CCDC69: variants seen among roughly 807,000 people sequenced by gnomAD.
The protein encoded by CCDC69 is coiled-coil domain-containing protein 69.
A neutral mutation model predicts 40.3 loss-of-function variants in CCDC69; 38 were observed. The ratio of observed to expected loss-of-function variants is 0.94; its 90% CI spans 0.73 to 1.24. The LOEUF (loss-of-function observed/expected upper bound fraction) is 1.24. Ranked by LOEUF, CCDC69 falls within the 50% of genes most tolerant of loss-of-function variation. CCDC69 has a pLI of 0.00. For missense variants in CCDC69, 389 were observed against 357.9 expected, an observed-to-expected ratio of 1.09 and a Z score of -0.70; for synonymous variants, 141 against 138.9, an observed-to-expected ratio of 1.02 and a Z score of -0.11.
intron 8 of CCDC69, among the ~76,000 whole-genome samples, chr5:151,183,852 T>C (rs553688739): frequency 6.6e-6 from 1 of 152,368 alleles, no homozygotes; most frequent in Non-Finnish European, 1.5e-5. Flanking sequence ...CTTAGCTATA[T>C]AATCTTGAAT....
At position 151,187,467 on chromosome 5, in the gene CCDC69, G is replaced by T. The variant is rs1472188593; in HGVS notation, c.320-8C>A. The T allele has an allele frequency of 6.2e-7, 1 of 1,610,696 alleles. No individual in the cohort carries two copies. Among genetic ancestry groups the T allele is most frequent in the African/African-American group, 1.4e-5 (1 of 73,008 alleles). On this transcript the variant is annotated splice_region_variant and splice_polypyrimidine_tract_variant and intron_variant, in intron 4 of 8. Transcript: ENST00000355417. Reference sequence around the variant, plus strand: ...CATATGAGGCCCGGAGGACTGTAGGGAAAGGAGAACTCCATAAGCTCAAGA... The same window carrying T: ...CATATGAGGCCCGGAGGACTGTAGGTAAAGGAGAACTCCATAAGCTCAAGA...
chr5:151,202,070 CGCTGGCCA>C (rs1561601858), intron 2 of CCDC69, among the ~76,000 whole-genome samples: 2 of 151,900 alleles, frequency 1.3e-5, no homozygotes, highest in African/African-American at 4.8e-5. Flanking sequence ...AAAAATTAGT[CGCTGGCCA>C]GACATGGTGG....
chr5:151,192,111 G>GAAAAAAAAAAAAAAAA (rs1752621799), intron 4 of CCDC69, among the ~76,000 whole-genome samples: 1 of 79,742 alleles, frequency 1.3e-5, no homozygotes, highest in Non-Finnish European at 2.6e-5. Context: ...AAAAAAGAAT[G>GAAAAAAAAAAAAAAAA]AAAAGAAATA....
At chr5:151,218,894 T>C (rs529806021) in intron 1 of CCDC69, among the ~76,000 whole-genome samples, 5 of 152,182 alleles carry the variant, frequency 3.3e-5, no homozygotes, top group South Asian at 2.1e-4. Context: ...CATGTACATG[T>C]GCAGAAAATA....
chr5:151,212,998 T>C, intron 1 of CCDC69: 1 of 414,240 alleles, frequency 2.4e-6, no homozygotes, highest in South Asian at 1.7e-5. Context: ...TAGATTGGAC[T>C]GGTGATCTTT....
At chr5:151,206,427 C>T (rs1484470933) in intron 1 of CCDC69, among the ~76,000 whole-genome samples, 1 of 152,138 alleles carries the variant, frequency 6.6e-6, no homozygotes. Flanking sequence ...ATTCTAGTCC[C>T]TCTCCCCTCC....
At chr5:151,222,290 G>C (rs992410365) in intron 1 of CCDC69, among the ~76,000 whole-genome samples, 1 of 152,232 alleles carries the variant, frequency 6.6e-6, no homozygotes, top group Admixed American at 6.5e-5. Flanking sequence ...TTGCCCTTCA[G>C]AGCTTTGGCT....
intron 1 of CCDC69, among the ~76,000 whole-genome samples, chr5:151,219,757 C>A (rs1319694188): frequency 1.3e-5 from 2 of 152,126 alleles, no homozygotes; most frequent in Non-Finnish European, 2.9e-5. Flanking sequence ...CTTATACTTT[C>A]CCACATTTTG....
intron 1 of CCDC69, chr5:151,215,534 G>A (rs1001949975): frequency 1.0e-5 from 3 of 299,048 alleles, no homozygotes; most frequent in Admixed American, 3.6e-5. Flanking sequence ...ACACTCAGCT[G>A]TTAGCTCTGG....
At chr5:151,213,073 C>G (rs185217311) in intron 1 of CCDC69, among the ~76,000 whole-genome samples, 29 of 152,210 alleles carry the variant, frequency 1.9e-4, no homozygotes, top group African/African-American at 6.7e-4. Context: ...CAAGTGAAAG[C>G]CTCTGGTAAG....
chr5:151,205,042 T>A lies in CCDC69; in HGVS notation c.124+358A>T, dbSNP rs1433491568. ...CCCTCCCTCCCTCCCTATGGTGACA[T>A]CTTCTTTCCAGATGAACATTCTCTG... On this transcript the variant is annotated intron_variant, in intron 2 of 8. Coordinates refer to ENST00000355417, the MANE Select transcript of CCDC69 (RefSeq NM_015621.3). Among the ~76,000 whole-genome samples the A allele has an allele frequency of 2.4e-5, 3 of 123,230 alleles. No homozygotes were observed. In the Admixed American group the frequency reaches 2.9e-4, roughly 12 times the overall value. The allele number at this position is 123,230 out of a possible 152,430, so 80.8% of individuals were successfully genotyped here.
intron 4 of CCDC69, among the ~76,000 whole-genome samples, chr5:151,195,898 C>T (rs1164470627): frequency 2.0e-5 from 3 of 152,072 alleles, no homozygotes; most frequent in Admixed American, 6.6e-5. Context: ...ATCATTCAGA[C>T]CTCTGTTCTA....
intron 1 of CCDC69, among the ~76,000 whole-genome samples, chr5:151,206,340 C>G (rs536747621): frequency 7.9e-5 from 12 of 152,234 alleles, no homozygotes; most frequent in African/African-American, 2.9e-4. Flanking sequence ...CAAACCCAAT[C>G]CTCTCGGGTT....
chr5:151,187,925 C>T (rs367066), intron 4 of CCDC69, among the ~76,000 whole-genome samples: 1 of 151,974 alleles, frequency 6.6e-6, no homozygotes, highest in African/African-American at 2.4e-5. Context: ...CTGGTCCTGG[C>T]TCTGCCTTTC....
chr5:151,223,887 C>G, intron 1 of CCDC69, 36 bp downstream of exon 1: 2 of 1,588,884 alleles, frequency 1.3e-6, no homozygotes, highest in Admixed American at 1.7e-5. Flanking sequence ...ACTCCCCTCT[C>G]CTCTGAAAGC....
At chr5:151,213,159 C>T (rs536416079) in intron 1 of CCDC69, among the ~76,000 whole-genome samples, 1 of 152,348 alleles carries the variant, frequency 6.6e-6, no homozygotes, top group African/African-American at 2.4e-5. Flanking sequence ...CTGTTGAATG[C>T]TATTCAGGGA....
At chr5:151,203,456 G>C (rs1292903102) in intron 2 of CCDC69, among the ~76,000 whole-genome samples, 1 of 150,600 alleles carries the variant, frequency 6.6e-6, no homozygotes, top group Non-Finnish European at 1.5e-5. Context: ...GTTGCAGTGA[G>C]TCAAGATCCT....
At chr5:151,190,244 T>C (rs1278687047) in intron 4 of CCDC69, among the ~76,000 whole-genome samples, 1 of 152,208 alleles carries the variant, frequency 6.6e-6, no homozygotes, top group Non-Finnish European at 1.5e-5. Flanking sequence ...ATGCAAAAAT[T>C]ATAACCTTGT....
At chr5:151,194,805 T>C (rs908452541) in intron 4 of CCDC69, among the ~76,000 whole-genome samples, 1 of 150,374 alleles carries the variant, frequency 6.7e-6, no homozygotes, top group South Asian at 2.1e-4. Flanking sequence ...AGGCAAAGAA[T>C]TGCTTGAACC....
Sources: gnomAD v4.1 joint callset for allele counts (sites outside exome capture counted in the v4.1 genomes callset) on GRCh38, gnomAD v4.1.1 for gene constraint, MANE v1.5 for transcripts, NCBI Gene and HGNC (gene_info 2026-07-23, HGNC 2026-07-21) for gene names.